Variants in TMEM132C observed in about 807,000 individuals in gnomAD.
TMEM132C encodes the protein protein phosphatase 1, regulatory subunit 152.
A neutral mutation model predicts 61.4 loss-of-function variants in TMEM132C; 29 were observed. That is an observed-to-expected ratio of 0.47 (90% CI 0.35 to 0.64). The LOEUF (loss-of-function observed/expected upper bound fraction) is 0.64. Among genes scored for constraint, TMEM132C ranks in the 30% least tolerant of loss-of-function variants. The probability of loss-of-function intolerance (pLI) is 0.00; values close to 1 mark genes in which losing one functional copy is unlikely to be tolerated. For missense variants in TMEM132C, 1,408 were observed against 1,476.9 expected (o/e 0.95, Z 0.76); for synonymous variants, 656 against 633.1 (o/e 1.04, Z -0.54).
chr12:128,345,047 T>A (rs1000560629), intron 1 of TMEM132C, among the ~76,000 whole-genome samples: 2 of 151,754 alleles, frequency 1.3e-5, no homozygotes, highest in Middle Eastern at 3.2e-3. Flanking sequence ...TTCTTCCTGA[T>A]CCTCTCCCTC....
intron 1 of TMEM132C, among the ~76,000 whole-genome samples, chr12:128,332,028 T>C (rs535292034): frequency 6.6e-6 from 1 of 152,136 alleles, no homozygotes; most frequent in Admixed American, 6.5e-5. Context: ...ATGACGCCTG[T>C]AGGTCTAGCT....
intron 1 of TMEM132C, among the ~76,000 whole-genome samples, chr12:128,298,471 G>A (rs1309509071): frequency 6.6e-6 from 1 of 152,028 alleles, no homozygotes; most frequent in Non-Finnish European, 1.5e-5. Flanking sequence ...AGTACAGAGA[G>A]CCCCAAGTCC....
At chr12:128,269,347 CGTGTGTGTGTGTGTGTGT>C (rs58843737) in intron 1 of TMEM132C, among the ~76,000 whole-genome samples, 1 of 143,050 alleles carries the variant, frequency 7.0e-6, no homozygotes, top group Admixed American at 6.9e-5. Flanking sequence ...GCTCACATTC[CGTGTGTGTGTGTGTGTGT>C]GTGTGTGTGT....
chr12:128,446,124 T>G (rs879936386), intron 2 of TMEM132C, among the ~76,000 whole-genome samples: 3 of 152,204 alleles, frequency 2.0e-5, no homozygotes, highest in Admixed American at 1.3e-4. Context: ...TCAGATTCAG[T>G]AAGGAGGCCC....
In TMEM132C at chr12:128,392,064, T is replaced by TC. The variant is rs1555222005; in HGVS notation, c.86-22668_86-22667insC. Among the ~76,000 whole-genome samples the TC allele has an allele frequency of 2.5e-3, 327 of 130,528 alleles. 5 individuals are homozygous for TC. Among genetic ancestry groups the TC allele is most frequent in the African/African-American group, 9.5e-3 (292 of 30,598 alleles). The allele number at this position is 130,528 out of a possible 152,430, so 85.6% of individuals were successfully genotyped here. A position where few individuals can be genotyped will look rare whatever the true frequency, so the allele number is the denominator to read the frequency against. ...TCTCTCTGTCTCTGTCTCTCTCTCT[T>TC]TCTCTCTCTCTCTCTCTCTCTCTCT... On this transcript the variant is annotated intron_variant, in intron 1 of 8. Transcript: ENST00000435159.
intron 5 of TMEM132C, among the ~76,000 whole-genome samples, chr12:128,689,739 C>T (rs933678233): frequency 5.9e-5 from 9 of 152,138 alleles, no homozygotes; most frequent in East Asian, 1.9e-4. Context: ...CCATCATGAG[C>T]GGGATGTAGA....
chr12:128,682,845 G>A (rs923169889), intron 5 of TMEM132C, among the ~76,000 whole-genome samples: 1 of 152,144 alleles, frequency 6.6e-6, no homozygotes, highest in Non-Finnish European at 1.5e-5. Context: ...CCCCTCCTCC[G>A]AGGCCTCCAG....
chr12:128,378,119 GTT>G (rs55959629), intron 1 of TMEM132C, among the ~76,000 whole-genome samples: 2,572 of 145,260 alleles, frequency 0.018, 63 homozygotes, highest in African/African-American at 0.058. Context: ...GTTTTTTTTT[GTT>G]TTTTTTTTTT....
At chr12:128,481,379 C>T (rs1391918134) in intron 2 of TMEM132C, among the ~76,000 whole-genome samples, 1 of 152,150 alleles carries the variant, frequency 6.6e-6, no homozygotes. Flanking sequence ...ACAGGACGTC[C>T]ACCAGGCCGG....
chr12:128,423,848 A>G (rs138296699), intron 2 of TMEM132C, among the ~76,000 whole-genome samples: 5,880 of 151,984 alleles, frequency 0.039, 167 homozygotes, highest in Non-Finnish European at 0.056. Flanking sequence ...CCTGGCTAAC[A>G]TGGTGAAACC....
rs921663477 is a variant in TMEM132C at position 128,323,832 on chromosome 12, C to A, written c.85+56345C>A. On this transcript the variant is annotated intron_variant, in intron 1 of 8. Coordinates refer to ENST00000435159, the MANE Select transcript of TMEM132C (RefSeq NM_001136103.3). The stretch of plus-strand genomic sequence containing the variant: ...GGGACGCTTGGGTACCTGTGTGCAG[C>A]TGAAACACTGCACGCTGGGGAGGCG... Among the ~76,000 whole-genome samples the A allele has an allele frequency of 2.0e-5, 3 of 152,064 alleles. No homozygotes were observed. In the East Asian group the frequency reaches 5.8e-4, roughly 29 times the overall value.
At chr12:128,566,346 C>T (rs1047837744) in intron 3 of TMEM132C, among the ~76,000 whole-genome samples, 28 of 152,094 alleles carry the variant, frequency 1.8e-4, no homozygotes, top group African/African-American at 6.3e-4. Context: ...ATTTTGTGTG[C>T]ATATTTCTGA....
intron 1 of TMEM132C, among the ~76,000 whole-genome samples, chr12:128,381,468 C>T (rs567528195): frequency 2.2e-4 from 33 of 152,316 alleles, no homozygotes; most frequent in East Asian, 9.6e-4. Flanking sequence ...TTTCTAGAAT[C>T]GAATCTGAGT....
chr12:128,510,839 G>T (rs1373170680), intron 2 of TMEM132C, among the ~76,000 whole-genome samples: 2 of 152,248 alleles, frequency 1.3e-5, no homozygotes, highest in African/African-American at 4.8e-5. Flanking sequence ...GCGAGTGGCA[G>T]ATGGAACCTT....
At chr12:128,559,550 C>T (rs1874445544) in intron 3 of TMEM132C, among the ~76,000 whole-genome samples, 1 of 152,180 alleles carries the variant, frequency 6.6e-6, no homozygotes, top group Non-Finnish European at 1.5e-5. Context: ...GAGACGGCAC[C>T]CATTCACACC....
intron 3 of TMEM132C, among the ~76,000 whole-genome samples, chr12:128,608,515 C>G (rs1285562409): frequency 1.3e-5 from 2 of 152,160 alleles, no homozygotes; most frequent in Non-Finnish European, 2.9e-5. Context: ...AATTCAAACC[C>G]AAATGTGTTC....
At chr12:128,418,859 G>A (rs141113886) in intron 2 of TMEM132C, among the ~76,000 whole-genome samples, 144 of 152,270 alleles carry the variant, frequency 9.5e-4, no homozygotes, top group African/African-American at 3.2e-3. Flanking sequence ...TTTAGTGTCC[G>A]TTAGGAAAAG....
chr12:128,509,110 G>T (rs1403798989), intron 2 of TMEM132C, among the ~76,000 whole-genome samples: 7 of 152,206 alleles, frequency 4.6e-5, no homozygotes. Context: ...CCTAGGCTGT[G>T]TGCAAGTCCT....
chr12:128,311,883 G>T (rs992064940), intron 1 of TMEM132C, among the ~76,000 whole-genome samples: 15 of 152,256 alleles, frequency 9.9e-5, no homozygotes, highest in African/African-American at 3.6e-4. Flanking sequence ...CGTTGACGGT[G>T]CAGGGGTGAT....
Sources: gnomAD v4.1 joint callset for allele counts (sites outside exome capture counted in the v4.1 genomes callset) on GRCh38, gnomAD v4.1.1 for gene constraint, MANE v1.5 for transcripts, NCBI Gene and HGNC (gene_info 2026-07-23, HGNC 2026-07-21) for gene names.